Variants in FREM1 observed in about 807,000 individuals in gnomAD.
FREM1 encodes the protein FRAS1-related extracellular matrix protein 1.
A neutral mutation model predicts 210.1 loss-of-function variants in FREM1; 220 were observed. The ratio of observed to expected loss-of-function variants is 1.05; its 90% CI spans 0.94 to 1.17. The LOEUF (loss-of-function observed/expected upper bound fraction) is 1.17. Ranked by LOEUF, FREM1 falls within the 50% of genes most tolerant of loss-of-function variation. The probability of loss-of-function intolerance (pLI) is 0.00; values close to 1 mark genes in which losing one functional copy is unlikely to be tolerated. For missense variants in FREM1, 3,454 were observed against 2,675.5 expected, an observed-to-expected ratio of 1.29 and a Z score of -6.42; for synonymous variants, 1,189 against 980.2, an observed-to-expected ratio of 1.21 and a Z score of -3.98.
At chr9:14,764,737 C>A (rs1457553009) in intron 27 of FREM1, among the ~76,000 whole-genome samples, 1 of 152,094 alleles carries the variant, frequency 6.6e-6, no homozygotes, top group Non-Finnish European at 1.5e-5. Flanking sequence ...CCTATAGTGC[C>A]AATGTTGAGA....
Position 14,775,441 on chromosome 9 carries a change from C to T in FREM1, c.4857+348G>A, listed in dbSNP as rs777141524. ...TAGTTCTTGGCCAGGCGTGATAGCT[C>T]ACGACTGTAATCCCAGCACTTTGGG... On this transcript the variant is annotated intron_variant, in intron 25 of 36. Coordinates refer to ENST00000380880, the MANE Select transcript of FREM1 (RefSeq NM_001379081.2). Among the ~76,000 whole-genome samples, 4 of 152,184 alleles carry T rather than the reference C, an allele frequency of 2.6e-5. No homozygotes were observed. In the South Asian group the frequency reaches 8.3e-4, roughly 32 times the overall value.
At chr9:14,876,124 G>C (rs1254040489) in intron 1 of FREM1, among the ~76,000 whole-genome samples, 1 of 152,082 alleles carries the variant, frequency 6.6e-6, no homozygotes, top group African/African-American at 2.4e-5. Context: ...CGGGGGTCAG[G>C]GGTCAGGGAC....
intron 10 of FREM1, 102 bp downstream of exon 10, chr9:14,841,345 T>C (rs768604208): frequency 1.3e-5 from 13 of 980,698 alleles, no homozygotes; most frequent in Non-Finnish European, 1.9e-5. Context: ...TTTTTCAAAT[T>C]TTAAACCTTG....
intron 34 of FREM1, 73 bp downstream of exon 34, chr9:14,746,850 T>C: frequency 2.0e-6 from 3 of 1,508,110 alleles, no homozygotes; most frequent in Non-Finnish European, 2.7e-6. Flanking sequence ...ATGCACCAGA[T>C]GGTTCCCCTC....
chr9:14,857,613 G>A lies in FREM1; in HGVS notation c.768C>T (p.Asn256=). Reference sequence around the variant, plus strand: ...CCAGTTGGATGGAGATATAATCAATGTTGGGTGAAGGGGGATCCAGATGCT... The same window carrying A: ...CCAGTTGGATGGAGATATAATCAATATTGGGTGAAGGGGGATCCAGATGCT... The part of the protein sequence containing the change: ...RYQHLDPPSP[N]IDYISIQLDL... The change falls in exon 5 of 37, where the codon AAC becomes AAT. Residue 256 remains asparagine, a synonymous_variant. Coordinates refer to ENST00000380880, the MANE Select transcript of FREM1 (RefSeq NM_001379081.2). 3 of 1,613,914 alleles carry A rather than the reference G, an allele frequency of 1.9e-6. No individual in the cohort carries two copies. In the East Asian group the frequency reaches 6.7e-5, roughly 36 times the overall value.
intron 36 of FREM1, among the ~76,000 whole-genome samples, chr9:14,737,973 C>A (rs1301815339): frequency 6.6e-6 from 1 of 152,162 alleles, no homozygotes; most frequent in Non-Finnish European, 1.5e-5. Flanking sequence ...TTATTCATAT[C>A]ATCCTACATG....
chr9:14,845,376 C>A (rs1826411240), intron 8 of FREM1, among the ~76,000 whole-genome samples: 1 of 151,990 alleles, frequency 6.6e-6, no homozygotes, highest in Non-Finnish European at 1.5e-5. Flanking sequence ...GTGATCTTGG[C>A]TCACTGCAAC....
intron 21 of FREM1, among the ~76,000 whole-genome samples, chr9:14,796,356 T>C (rs780834238): frequency 6.6e-6 from 1 of 152,232 alleles, no homozygotes; most frequent in Non-Finnish European, 1.5e-5. Context: ...GATGCTTTTT[T>C]ACTTATAGCT....
At chr9:14,897,532 G>GA (rs200259055) in intron 1 of FREM1, among the ~76,000 whole-genome samples, 100 of 145,610 alleles carry the variant, frequency 6.9e-4, no homozygotes, top group Admixed American at 3.1e-3. Flanking sequence ...ATGTAGTAAA[G>GA]AAAAAAAAAG....
At chr9:14,859,553 C>G (rs1829426147) in intron 3 of FREM1, 69 bp from the exon 4 acceptor site, 1 of 1,337,988 alleles carries the variant, frequency 7.5e-7, no homozygotes, top group Non-Finnish European at 1.0e-6. Flanking sequence ...ATGTACTCAG[C>G]TGGAAGACTA....
At chr9:14,840,184 A>G (rs1422965343) in intron 10 of FREM1, among the ~76,000 whole-genome samples, 1 of 152,180 alleles carries the variant, frequency 6.6e-6, no homozygotes. Context: ...ACATTATGGG[A>G]AGGCATTATG....
chr9:14,773,661 T>G lies in FREM1; in HGVS notation c.4857+2128A>C, dbSNP rs1018411199. ...TACTTTTGACAAAAAAAAAGAAACTTTACAATATATGTCCAACATTTTCCT... is the reference window on the plus strand; with the variant it reads ...TACTTTTGACAAAAAAAAAGAAACTGTACAATATATGTCCAACATTTTCCT... On this transcript the variant is annotated intron_variant, in intron 25 of 36. Coordinates refer to ENST00000380880, the MANE Select transcript of FREM1 (RefSeq NM_001379081.2). Among the ~76,000 whole-genome samples the G allele has an allele frequency of 2.0e-5, 3 of 151,948 alleles. No homozygotes were observed. The East Asian group carries it at 5.8e-4, about 29-fold the overall frequency.
Position 14,812,957 on chromosome 9 carries a change from A to G in FREM1, c.2748T>C (p.Ala916=). ...EVVITSEYIF[A]TDVDSDNLKL... ...TCAAGTTATCGCTGTCCACATCAGT[A>G]GCAAAAATGTATTCAGAGGTGATGA... Residue 916 remains alanine, a synonymous_variant, in exon 16 of 37, where the codon GCT becomes GCC. Transcript: ENST00000380880. 1.2e-6 allele frequency: 2 copies of G among 1,614,002 alleles called. No homozygotes were observed. The highest frequency in any genetic ancestry group is 1.7e-6 in the Non-Finnish European group (2 of 1,179,862).
chr9:14,808,268 C>T (rs888310048), intron 16 of FREM1, 134 bp from the exon 17 acceptor site: 4 of 567,030 alleles, frequency 7.1e-6, no homozygotes, highest in African/African-American at 5.7e-5. Context: ...AAATGTAAAA[C>T]CCAATTTTAT....
At chr9:14,903,057 T>A (rs1214304651) in intron 1 of FREM1, among the ~76,000 whole-genome samples, 1 of 152,250 alleles carries the variant, frequency 6.6e-6, no homozygotes, top group Non-Finnish European at 1.5e-5. Context: ...TCGAGTGACA[T>A]TTTAATCACC....
Position 14,806,858 on chromosome 9 carries a change from T to C in FREM1, c.3089-12A>G. On this transcript the variant is annotated splice_polypyrimidine_tract_variant and intron_variant, in intron 17 of 36. Transcript: ENST00000380880. ...AACAAACACGGGACCTGCATACAAA[T>C]AAAAACACAATTACAACTTAGCATG... is the stretch of plus-strand genomic sequence containing the variant. 1.3e-6 allele frequency: 2 copies of C among 1,547,496 alleles called. No homozygotes were observed. The highest frequency in any genetic ancestry group is 2.3e-5 in the East Asian group (1 of 44,038).
intron 24 of FREM1, among the ~76,000 whole-genome samples, chr9:14,781,775 C>T (rs1849677397): frequency 6.6e-6 from 1 of 152,300 alleles, no homozygotes; most frequent in Non-Finnish European, 1.5e-5. Flanking sequence ...ACCATCGTGG[C>T]TCACTGCAAC....
Position 14,808,011 on chromosome 9 carries a change from G to A in FREM1, c.3017C>T (p.Ala1006Val), listed in dbSNP as rs767135696. ...NGPNPSVPLH[A>V]SFPVYDLNIT... ...GTTGAGATCATACACTGGAAAGGAC[G>A]CATGAAGTGGAACAGATGGATTGGG... Residue 1006 changes from alanine to valine, a missense_variant, in exon 17 of 37, where the codon GCG (alanine) becomes GTG (valine). Physicochemically the swap from Ala to Val is moderately conservative, Grantham distance 64 (BLOSUM62 0). Transcript: ENST00000380880. The A allele has an allele frequency of 2.1e-5, 34 of 1,613,528 alleles. No homozygotes were observed. The highest frequency in any genetic ancestry group is 6.7e-5 in the East Asian group (3 of 44,894).
chr9:14,742,218 A>C (rs932531655), intron 35 of FREM1, among the ~76,000 whole-genome samples: 1 of 152,224 alleles, frequency 6.6e-6, no homozygotes, highest in East Asian at 1.9e-4. Context: ...AGAAGCTTTA[A>C]TTTTTCTGGC....
Sources: gnomAD v4.1 joint callset for allele counts (sites outside exome capture counted in the v4.1 genomes callset) on GRCh38, gnomAD v4.1.1 for gene constraint, MANE v1.5 for transcripts, NCBI Gene and HGNC (gene_info 2026-07-23, HGNC 2026-07-21) for gene names.